The following PRRX1 variants were observed in gnomAD, a reference collection of about 807,000 sequenced individuals.
PRRX1 encodes paired mesoderm homeobox protein 1.
PRRX1 carries 8 observed loss-of-function variants against 24.0 expected under a neutral mutation model. The observed-to-expected ratio is 0.33, with a 90% CI of 0.20 to 0.60. The LOEUF (loss-of-function observed/expected upper bound fraction) is 0.60. Among genes scored for constraint, PRRX1 ranks in the 20% least tolerant of loss-of-function variants. The probability of loss-of-function intolerance (pLI) is 0.82; values close to 1 mark genes in which losing one functional copy is unlikely to be tolerated. For missense variants in PRRX1, 281 were observed against 322.4 expected (o/e 0.87, Z 0.98); for synonymous variants, 160 against 131.7 (o/e 1.22, Z -1.47).
intron 1 of PRRX1, among the ~76,000 whole-genome samples, chr1:170,711,804 AG>A (rs1654761530): frequency 1.3e-5 from 2 of 152,178 alleles, no homozygotes; most frequent in South Asian, 2.1e-4. Context: ...GTCAAATACC[AG>A]GCACTTCCAA....
At position 170,737,607 on chromosome 1, in the gene PRRX1, A is replaced by C. The variant is rs1432169814; in HGVS notation, c.*1421A>C. The stretch of plus-strand genomic sequence containing the variant: ...AGGTTTTTCTAAATTCCAACATTTA[A>C]AAGGCAATTGTGGGCTATTTTTATT... On this transcript the variant is annotated 3_prime_UTR_variant, in exon 4 of 4. Coordinates refer to ENST00000239461, the MANE Select transcript of PRRX1 (RefSeq NM_022716.4). 1 of 215,206 alleles carries C rather than the reference A, an allele frequency of 4.6e-6. No individual in the cohort carries two copies. The highest frequency in any genetic ancestry group is 9.4e-6 in the Non-Finnish European group (1 of 106,670). 13.3% of individuals were successfully genotyped at this position (215,206 alleles called of 1,614,324 possible).
intron 1 of PRRX1, among the ~76,000 whole-genome samples, chr1:170,679,642 G>A (rs1299944137): frequency 3.3e-5 from 5 of 152,076 alleles, no homozygotes; most frequent in East Asian, 3.9e-4. Context: ...CTTGTGATCC[G>A]CCCACCTCGG....
rs573278603 is a variant in PRRX1, at chr1:170,699,930, G to A, written c.242-19796G>A. ...TCTGTATTTTTAGTAGAGATGGGGC[G>A]AGGCTGGTCTTGAACTCCTGACCTC... is the stretch of plus-strand genomic sequence containing the variant. On this transcript the variant is annotated intron_variant, in intron 1 of 3. Coordinates refer to ENST00000239461, the MANE Select transcript of PRRX1 (RefSeq NM_022716.4). 1.1e-4 allele frequency among the ~76,000 whole-genome samples: 16 copies of A among 152,168 alleles called. No homozygotes were observed. The South Asian group carries it at 1.9e-3, about 18-fold the overall frequency.
intron 3 of PRRX1, chr1:170,728,175 C>G (rs1418129661): frequency 1.3e-5 from 2 of 152,174 alleles, no homozygotes; most frequent in Non-Finnish European, 2.9e-5. Context: ...AGAGGCGTCA[C>G]ACAGCACACA....
intron 1 of PRRX1, 78 bp downstream of exon 1, chr1:170,664,537 G>C: frequency 6.6e-7 from 1 of 1,509,734 alleles, no homozygotes; most frequent in South Asian, 1.3e-5. Context: ...GCTAGAGCCC[G>C]TCCGCGGCCA....
intron 1 of PRRX1, among the ~76,000 whole-genome samples, chr1:170,664,916 C>T (rs1172479289): frequency 6.6e-6 from 1 of 152,204 alleles, no homozygotes. Flanking sequence ...CGTATGACGG[C>T]TTGAGGGAGG....
intron 3 of PRRX1, chr1:170,730,363 G>C (rs1460797022): frequency 1.9e-6 from 3 of 1,594,568 alleles, no homozygotes; most frequent in Middle Eastern, 1.7e-4. Context: ...CTTGTCAGAG[G>C]GGGAAGAGGG....
chr1:170,723,337 C>A (rs554323484), intron 2 of PRRX1, among the ~76,000 whole-genome samples: 5 of 151,210 alleles, frequency 3.3e-5, no homozygotes, highest in South Asian at 4.1e-4. Context: ...AAAGAATTTT[C>A]TTCTCCCATA....
At chr1:170,709,255 C>G (rs1013859290) in intron 1 of PRRX1, among the ~76,000 whole-genome samples, 1 of 152,090 alleles carries the variant, frequency 6.6e-6, no homozygotes, top group Admixed American at 6.6e-5. Context: ...TCAGCTGAGA[C>G]TTAGGAAAGG....
intron 1 of PRRX1, among the ~76,000 whole-genome samples, chr1:170,677,281 T>A (rs956963734): frequency 1.3e-5 from 2 of 152,240 alleles, no homozygotes; most frequent in East Asian, 3.8e-4. Flanking sequence ...AACTGGCACA[T>A]TAATATTTAT....
chr1:170,729,190 T>C (rs1209872260), intron 3 of PRRX1, among the ~76,000 whole-genome samples: 1 of 152,204 alleles, frequency 6.6e-6, no homozygotes, highest in Non-Finnish European at 1.5e-5. Flanking sequence ...AACCTTGCAT[T>C]GTATTGAAAG....
chr1:170,716,912 A>G (rs1654923815), intron 1 of PRRX1, among the ~76,000 whole-genome samples: 1 of 152,186 alleles, frequency 6.6e-6, no homozygotes, highest in Admixed American at 6.5e-5. Flanking sequence ...GTACTGCTGA[A>G]GATACTGTGC....
intron 1 of PRRX1, among the ~76,000 whole-genome samples, chr1:170,666,416 T>TAAAAA (rs1652932637): frequency 4.1e-5 from 1 of 24,564 alleles, no homozygotes. Flanking sequence ...AGACTCCGTC[T>TAAAAA]CAAAAAAAAA....
intron 2 of PRRX1, among the ~76,000 whole-genome samples, 181 bp downstream of exon 2, chr1:170,720,082 A>G (rs1655032279): frequency 6.6e-6 from 1 of 152,184 alleles, no homozygotes; most frequent in South Asian, 2.1e-4. Context: ...AGCCTGGGCA[A>G]CATAGTGAGA....
intron 3 of PRRX1, chr1:170,727,256 A>G (rs1355113199): frequency 6.6e-6 from 1 of 152,210 alleles, no homozygotes; most frequent in Non-Finnish European, 1.5e-5. Context: ...TCCCATTATT[A>G]TGCTGTTCAG....
intron 1 of PRRX1, among the ~76,000 whole-genome samples, chr1:170,670,508 T>C (rs1653109246): frequency 6.6e-6 from 1 of 152,196 alleles, no homozygotes; most frequent in South Asian, 2.1e-4. Context: ...TTTTCAGGTG[T>C]AGATGTTCTT....
At position 170,736,441 on chromosome 1, in the gene PRRX1, T is replaced by C. The variant is rs1655606363; in HGVS notation, c.*255T>C. 1.9e-6 allele frequency: 1 copy of C among 523,888 alleles called. No homozygotes were observed. Among genetic ancestry groups the C allele is most frequent in the Admixed American group, 3.2e-5 (1 of 31,174 alleles). The allele number at this position is 523,888 out of a possible 1,614,324, so 32.5% of individuals were successfully genotyped here. On this transcript the variant is annotated 3_prime_UTR_variant, in exon 4 of 4. Transcript: ENST00000239461. Reference sequence around the variant, plus strand: ...GTGTGTTTATTTTGTTTTTCTTTCATTCATGCTTTGCTTAATGTACTCCAG... The same window carrying C: ...GTGTGTTTATTTTGTTTTTCTTTCACTCATGCTTTGCTTAATGTACTCCAG...
intron 3 of PRRX1, among the ~76,000 whole-genome samples, chr1:170,731,147 C>G (rs1655425427): frequency 6.6e-6 from 1 of 152,108 alleles, no homozygotes; most frequent in Non-Finnish European, 1.5e-5. Context: ...AAGAATTTAC[C>G]AGATCTCTTT....
At chr1:170,717,837 T>C (rs1251277441) in intron 1 of PRRX1, among the ~76,000 whole-genome samples, 2 of 152,250 alleles carry the variant, frequency 1.3e-5, no homozygotes, top group Non-Finnish European at 2.9e-5. Context: ...GTGCTGATCT[T>C]ATTGCAAACT....
Sources: gnomAD v4.1 joint callset for allele counts (sites outside exome capture counted in the v4.1 genomes callset) on GRCh38, gnomAD v4.1.1 for gene constraint, MANE v1.5 for transcripts, NCBI Gene and HGNC (gene_info 2026-07-23, HGNC 2026-07-21) for gene names.